TCP11L1: variants seen among roughly 807,000 people sequenced by gnomAD.
The protein encoded by TCP11L1 is t-complex 11 like 1, also known as T-complex protein 11-like protein 1.
Under a neutral mutation model 48.9 loss-of-function variants are expected in TCP11L1, and 28 were observed. That is an observed-to-expected ratio of 0.57 (90% confidence interval 0.42 to 0.78). The LOEUF is 0.78. TCP11L1 is among the 30% of genes least tolerant of loss of function. TCP11L1 has a pLI of 0.00. For synonymous variants in TCP11L1, 204 were observed against 231.9 expected (o/e 0.88, Z 1.09); for missense variants, 505 against 613.4 (o/e 0.82, Z 1.87).
intron 9 of TCP11L1, 61 bp from the exon 10 acceptor site, chr11:33,072,413 C>A: frequency 6.4e-7 from 1 of 1,571,292 alleles, no homozygotes; most frequent in Non-Finnish European, 8.8e-7. Context: ...AGAACTGAAG[C>A]ACAGTAAGGT....
intron 9 of TCP11L1, among the ~76,000 whole-genome samples, chr11:33,069,911 A>G (rs1485250262): frequency 6.6e-6 from 1 of 152,114 alleles, no homozygotes; most frequent in Non-Finnish European, 1.5e-5. Flanking sequence ...TCCAGCCAAG[A>G]TTTATACTCA....
In TCP11L1 at chr11:33,064,392, C is replaced by T. The variant is rs1447455616; in HGVS notation, c.973-1438C>T. 2.0e-5 allele frequency among the ~76,000 whole-genome samples: 3 copies of T among 152,282 alleles called. 1 individual carries two copies. Among genetic ancestry groups the T allele is most frequent in the Middle Eastern group, 6.8e-3 (2 of 294 alleles). ...CTTCTTGGCTGTGACCCACATTGTT[C>T]ATGTCTTGACTTGGCAAATCTCAGT... On this transcript the variant is annotated intron_variant, in intron 7 of 9. Transcript: ENST00000334274.
At chr11:33,072,049 A>G (rs1227450904) in intron 9 of TCP11L1, among the ~76,000 whole-genome samples, 1 of 152,036 alleles carries the variant, frequency 6.6e-6, no homozygotes, top group African/African-American at 2.4e-5. Flanking sequence ...CTTCACCACA[A>G]TGGCCAGGCT....
At chr11:33,051,504 AAAAC>A (rs906748511) in intron 2 of TCP11L1, among the ~76,000 whole-genome samples, 276 of 152,156 alleles carry the variant, frequency 1.8e-3, no homozygotes, top group African/African-American at 5.5e-3. Flanking sequence ...CATTTGATTA[AAAAC>A]AAACAAACAA....
intron 7 of TCP11L1, among the ~76,000 whole-genome samples, chr11:33,064,510 C>T (rs547457810): frequency 6.6e-6 from 1 of 152,182 alleles, no homozygotes; most frequent in Non-Finnish European, 1.5e-5. Flanking sequence ...CCTTCTCCTT[C>T]CCTCAGCCAC....
intron 6 of TCP11L1, among the ~76,000 whole-genome samples, 161 bp from the exon 7 acceptor site, chr11:33,061,369 T>C (rs1249330153): frequency 1.3e-5 from 2 of 152,358 alleles, no homozygotes; most frequent in Non-Finnish European, 1.5e-5. Flanking sequence ...ATCCCTCAGT[T>C]AGTCATTGGC....
At chr11:33,043,230 C>T (rs1853890853) in intron 1 of TCP11L1, among the ~76,000 whole-genome samples, 1 of 137,298 alleles carries the variant, frequency 7.3e-6, no homozygotes, top group Non-Finnish European at 1.6e-5. Flanking sequence ...AGCAAAACTC[C>T]ATCTGGAAAA....
chr11:33,055,042 T>C (rs1854271100), intron 3 of TCP11L1, among the ~76,000 whole-genome samples: 1 of 152,274 alleles, frequency 6.6e-6, no homozygotes, highest in Non-Finnish European at 1.5e-5. Flanking sequence ...TGTGGGTTAT[T>C]CTCTGTGTCC....
At position 33,058,630 on chromosome 11, in the gene TCP11L1, ACT is replaced by A. The variant is rs557415116; in HGVS notation, c.639-326_639-325del. Among the ~76,000 whole-genome samples, 319 of 152,210 alleles carry A rather than the reference ACT, an allele frequency of 2.1e-3. 1 individual carries two copies. Among genetic ancestry groups the A allele is most frequent in the African/African-American group, 7.5e-3 (311 of 41,548 alleles). The stretch of plus-strand genomic sequence containing the variant: ...AATTTTACCTCTCAGAGGCATAATC[ACT>A]CTTATCATTTTGATACATAGATATA... On this transcript the variant is annotated intron_variant, in intron 5 of 9. Transcript: ENST00000334274.
chr11:33,040,449 T>C (rs6484629), intron 1 of TCP11L1: 62,027 of 152,048 alleles, frequency 0.41, 12,843 homozygotes, highest in African/African-American at 0.46. Flanking sequence ...AGAGCCAGAA[T>C]TGGGGCCCAG....
At chr11:33,069,074 C>G (rs1451064413) in intron 9 of TCP11L1, among the ~76,000 whole-genome samples, 1 of 152,138 alleles carries the variant, frequency 6.6e-6, no homozygotes, top group Non-Finnish European at 1.5e-5. Flanking sequence ...TGGAATCACT[C>G]TCCTGGGTTC....
At chr11:33,040,532 T>G (rs1224826929) in intron 1 of TCP11L1, 2 of 152,210 alleles carry the variant, frequency 1.3e-5, no homozygotes, top group Non-Finnish European at 2.9e-5. Context: ...TTCATCTCTA[T>G]CAACAGATAC....
intron 6 of TCP11L1, among the ~76,000 whole-genome samples, chr11:33,060,205 A>C (rs1478813865): frequency 6.6e-6 from 1 of 151,986 alleles, no homozygotes; most frequent in Admixed American, 6.6e-5. Context: ...CGCTAGGCAG[A>C]GTTTTGTAGC....
At chr11:33,048,358 T>A (rs1423122719) in intron 2 of TCP11L1, among the ~76,000 whole-genome samples, 6 of 152,162 alleles carry the variant, frequency 3.9e-5, no homozygotes, top group Admixed American at 3.9e-4. Context: ...CAGGTTCTCT[T>A]AACAAATTGA....
chr11:33,042,742 G>C (rs557776700), intron 1 of TCP11L1, among the ~76,000 whole-genome samples: 1 of 151,836 alleles, frequency 6.6e-6, no homozygotes, highest in East Asian at 2.0e-4. Context: ...AGACCAGCCT[G>C]ACCAACATGG....
intron 9 of TCP11L1, among the ~76,000 whole-genome samples, chr11:33,072,156 A>G (rs909306524): frequency 6.6e-6 from 1 of 152,110 alleles, no homozygotes; most frequent in African/African-American, 2.4e-5. Context: ...TCATGCATTC[A>G]TTCTTGCATT....
chr11:33,066,062 G>A (rs760458884), intron 8 of TCP11L1, 51 bp downstream of exon 8: 16 of 1,598,280 alleles, frequency 1.0e-5, no homozygotes, highest in African/African-American at 4.0e-5. Flanking sequence ...TCAGAGAGCC[G>A]ACTGGAGTCT....
Position 33,073,195 on chromosome 11 carries a change from T to A in TCP11L1, c.*519T>A, listed in dbSNP as rs1323566177. 1 of 154,386 alleles carries A rather than the reference T, an allele frequency of 6.5e-6. No homozygotes were observed. Among genetic ancestry groups the A allele is most frequent in the East Asian group, 1.9e-4 (1 of 5,236 alleles). 9.6% of individuals were successfully genotyped at this position (154,386 alleles called of 1,614,324 possible). On this transcript the variant is annotated 3_prime_UTR_variant, in exon 10 of 10. Transcript: ENST00000334274. ...CCCTATTTATTGCTTCCTCCCTGCC[T>A]GGCCTAGCCAGGGCTCCCAAGCCCT...
Position 33,072,969 on chromosome 11 carries a change from C to G in TCP11L1, c.*293C>G, listed in dbSNP as rs1854840372. 1.5e-5 allele frequency: 6 copies of G among 389,498 alleles called. No individual in the cohort carries two copies. Among genetic ancestry groups the G allele is most frequent in the South Asian group, 1.4e-4 (6 of 42,324 alleles). 24.1% of individuals were successfully genotyped at this position (389,498 alleles called of 1,614,324 possible). A position where few individuals can be genotyped will look rare whatever the true frequency, so the allele number is the denominator to read the frequency against. On this transcript the variant is annotated 3_prime_UTR_variant, in exon 10 of 10. Transcript: ENST00000334274. ...TCCACTCCTCCCCCATCATGTCCTT[C>G]CAAGGAGGCTGGGACCTCTCTCTTC...
Sources: allele counts gnomAD v4.1 joint callset (sites outside exome capture counted in the v4.1 genomes callset), GRCh38; gene constraint gnomAD v4.1.1; transcripts MANE v1.5; gene names NCBI Gene and HGNC (gene_info 2026-07-23, HGNC 2026-07-21).